The following POLG variants were observed in gnomAD, a reference collection of about 807,000 sequenced individuals.
POLG encodes DNA polymerase gamma, catalytic subunit, also known as DNA polymerase subunit gamma-1.
Under a neutral mutation model 155.4 loss-of-function variants are expected in POLG, and 110 were observed. The ratio of observed to expected loss-of-function variants is 0.71; its 90% CI spans 0.61 to 0.83. The LOEUF (loss-of-function observed/expected upper bound fraction) is 0.83, where lower values mean the gene tolerates loss of function less well. Among genes scored for constraint, POLG ranks in the 40% least tolerant of loss-of-function variants. The probability of loss-of-function intolerance (pLI) is 0.00; values close to 1 mark genes in which losing one functional copy is unlikely to be tolerated. For missense variants in POLG, 1,685 were observed against 1,627.5 expected (o/e 1.04, Z -0.61); for synonymous variants, 701 against 631.5 (o/e 1.11, Z -1.65).
intron 13 of POLG, 124 bp downstream of exon 13, chr15:89,323,280 C>T (rs1026828901): frequency 7.0e-6 from 5 of 716,902 alleles, no homozygotes; most frequent in East Asian, 2.7e-5. Context: ...TGAAATCACA[C>T]TCTGTCCCAC....
At chr15:89,317,003 T>C in intron 22 of POLG, 176 bp from the exon 23 acceptor site, 1 of 631,544 alleles carries the variant, frequency 1.6e-6, no homozygotes, top group Non-Finnish European at 2.8e-6. Context: ...TATAAGTGTG[T>C]CTTAGATATA....
In POLG at chr15:89,318,699, G is replaced by A. The variant is rs1164797481; in HGVS notation, c.3324C>T (p.Tyr1108=). 10 of 1,614,128 alleles carry A rather than the reference G, an allele frequency of 6.2e-6. No homozygotes were observed. Among genetic ancestry groups the A allele is most frequent in the South Asian group, 3.3e-5 (3 of 91,092 alleles). The change falls in exon 21 of 23, where the codon TAC becomes TAT. Residue 1108 remains tyrosine, a synonymous_variant. Transcript: ENST00000268124. The part of the protein sequence containing the change: ...NWVVQSSAVD[Y]LHLMLVAMKW... The stretch of plus-strand genomic sequence containing the variant: ...TCATGGCCACAAGCATGAGGTGTAA[G>A]TAGTCAACAGCAGAGCTCTGTACCA...
rs1215855782 is a variant in POLG at position 89,328,453 on chromosome 15, C to T, written c.1250+3G>A. The stretch of plus-strand genomic sequence containing the variant: ...AGAGATTCCCACATGGGCTCCCCCT[C>T]ACCTCTCCAAGAAGAGCGGTAGCTG... On this transcript the variant is annotated splice_donor_region_variant and intron_variant, in intron 6 of 22. Transcript: ENST00000268124. 3 of 1,611,654 alleles carry T rather than the reference C, an allele frequency of 1.9e-6. No homozygotes were observed. The East Asian group carries it at 6.7e-5, about 36-fold the overall frequency.
chr15:89,326,090 C>T (rs769584222), intron 9 of POLG, among the ~76,000 whole-genome samples: 1 of 152,168 alleles, frequency 6.6e-6, no homozygotes, highest in Non-Finnish European at 1.5e-5. Flanking sequence ...GAGTTGAGCC[C>T]AGGGTGAGAC....
Position 89,333,612 on chromosome 15 carries a change from T to TGCTGCTGCTGCTGCTGCCGCC in POLG, c.122_142dup (p.Arg41_Gln47dup). The TGCTGCTGCTGCTGCTGCCGCC allele has an allele frequency of 6.2e-7, 1 of 1,600,120 alleles. No homozygotes were observed. The highest frequency in any genetic ancestry group is 8.5e-7 in the Non-Finnish European group (1 of 1,175,496). On this transcript the variant is annotated inframe_insertion, in exon 2 of 23. Coordinates refer to ENST00000268124, the MANE Select transcript of POLG (RefSeq NM_002693.3). ...AGGCTGCTGTTGCTGCTGCTGCTGCTGCTGCTGCTGCTGCTGCCGCCGCCG... is the reference window on the plus strand; with the variant it reads ...AGGCTGCTGTTGCTGCTGCTGCTGCTGCTGCTGCTGCTGCTGCCGCCGCTGCTGCTGCTGCTGCCGCCGCCG...
intron 6 of POLG, 43 bp from the exon 7 acceptor site, chr15:89,327,392 G>T: frequency 6.3e-7 from 1 of 1,579,878 alleles, no homozygotes. Flanking sequence ...GACCACAGGA[G>T]GCAAGACTGG....
chr15:89,317,522 T>C lies in POLG; in HGVS notation c.3497A>G (p.Tyr1166Cys), dbSNP rs754900596. The stretch of plus-strand genomic sequence containing the variant: ...GGGCAAGTCATTCAGACCCAGCTTG[T>C]AGGCAAACATGCACCTGAAAGAGAC... ...TNLLTRCMFA[Y>C]KLGLNDLPQS... The change falls in exon 22 of 23, where the codon TAC becomes TGC. Residue 1166 changes from tyrosine (Y) to cysteine (C), a missense_variant. This residue lies in a region of POLG where 470 missense variants were observed against 439.9 expected (regional missense o/e 1.07). Transcript: ENST00000268124. The C allele has an allele frequency of 1.9e-6, 3 of 1,613,942 alleles. No homozygotes were observed. Among genetic ancestry groups the C allele is most frequent in the Non-Finnish European group, 2.5e-6 (3 of 1,179,904 alleles).
At chr15:89,321,034 G>A (rs375539056) in intron 17 of POLG, 22 bp from the exon 18 acceptor site, 19 of 1,614,008 alleles carry the variant, frequency 1.2e-5, no homozygotes, top group South Asian at 2.2e-5. Flanking sequence ...GCAGGAGTGA[G>A]AAAAGCAGCT....
rs2055455675 is a variant in POLG, at chr15:89,325,047, AGTGAGTGAGAGAGTG to A, written c.1949+388_1949+402del. Among the ~76,000 whole-genome samples the A allele has an allele frequency of 7.3e-5, 9 of 122,458 alleles. 1 individual carries two copies. Among genetic ancestry groups the A allele is most frequent in the African/African-American group, 4.7e-4 (9 of 19,188 alleles). 80.3% of individuals were successfully genotyped at this position (122,458 alleles called of 152,430 possible). On this transcript the variant is annotated intron_variant, in intron 10 of 22. Coordinates refer to ENST00000268124, the MANE Select transcript of POLG (RefSeq NM_002693.3). ...AAAACCTGAACCCAGAGAGTGAGTG[AGTGAGTGAGAGAGTG>A]AGTGAGTGAGTGAGTGAGTGAGAGA...
At position 89,325,679 on chromosome 15, in the gene POLG, G is replaced by A. The variant is rs774474723; in HGVS notation, c.1720C>T (p.Arg574Trp). Reference sequence around the variant, plus strand: ...TCGTCTAGCCGGGGGCAGAGCTTCCGGTACCATCTACGTCCCAGCAGGAAG... The same window carrying A: ...TCGTCTAGCCGGGGGCAGAGCTTCCAGTACCATCTACGTCCCAGCAGGAAG... Reference protein sequence around the residue: ...QHLPGHPGWYRKLCPRLDDPA... With the variant: ...QHLPGHPGWYWKLCPRLDDPA... Residue 574 changes from arginine (R) to tryptophan (W), a missense_variant, in exon 10 of 23, where the codon CGG becomes TGG. By Grantham distance (101) the Arg-to-Trp change is moderately radical. This residue lies in a region of POLG where 1,210 missense variants were observed against 1,167.1 expected (regional missense o/e 1.04). Coordinates refer to ENST00000268124, the MANE Select transcript of POLG (RefSeq NM_002693.3). The A allele has an allele frequency of 8.1e-6, 13 of 1,605,794 alleles. No homozygotes were observed. Among genetic ancestry groups the A allele is most frequent in the African/African-American group, 1.3e-5 (1 of 74,876 alleles).
chr15:89,318,347 C>CTT (rs3176229), intron 21 of POLG, among the ~76,000 whole-genome samples, 194 bp downstream of exon 21: 2 of 152,046 alleles, frequency 1.3e-5, no homozygotes, highest in African/African-American at 4.8e-5. Flanking sequence ...CCCAATAACT[C>CTT]TTTTTTTACG....
At chr15:89,334,233 C>T in intron 1 of POLG, 1 of 214,088 alleles carries the variant, frequency 4.7e-6, no homozygotes, top group Non-Finnish European at 9.4e-6. Flanking sequence ...CTCCTTAGGC[C>T]CTGATATCCT....
intron 10 of POLG, among the ~76,000 whole-genome samples, chr15:89,324,630 T>A (rs1163997916): frequency 6.6e-6 from 1 of 152,194 alleles, no homozygotes; most frequent in Non-Finnish European, 1.5e-5. Flanking sequence ...CATAAGAGAC[T>A]CAGGCTGCCC....
intron 2 of POLG, among the ~76,000 whole-genome samples, chr15:89,331,079 A>C (rs904611374): frequency 6.6e-6 from 1 of 152,246 alleles, no homozygotes; most frequent in Non-Finnish European, 1.5e-5. Context: ...TCAGCATCAA[A>C]GTGAGTGACG....
rs749440761 is a variant in POLG at position 89,318,970 on chromosome 15, G to A, written c.3234C>T (p.Cys1078=). The A allele has an allele frequency of 6.2e-7, 1 of 1,614,132 alleles. No homozygotes were observed. Among genetic ancestry groups the A allele is most frequent in the Non-Finnish European group, 8.5e-7 (1 of 1,180,016 alleles). ...DIPRTPVLGC[C]ISRALEPSAV... is the part of the protein sequence containing the mutation. ...CCGAGGGCTCCAGGGCTCGGCTGAT[G>A]CAGCAGCCCAGCACCGGGGTACGTG... The change falls in exon 20 of 23, where the codon TGC becomes TGT. Residue 1078 remains cysteine, a synonymous_variant. Coordinates refer to ENST00000268124, the MANE Select transcript of POLG (RefSeq NM_002693.3).
At chr15:89,318,835 T>A in intron 20 of POLG, 86 bp from the exon 21 acceptor site, 2 of 1,568,510 alleles carry the variant, frequency 1.3e-6, no homozygotes, top group South Asian at 2.2e-5. Flanking sequence ...GAAGCTTCAC[T>A]CTGGCCCTAC....
At chr15:89,329,900 C>T (rs933984409) in intron 3 of POLG, among the ~76,000 whole-genome samples, 181 bp downstream of exon 3, 1 of 152,160 alleles carries the variant, frequency 6.6e-6, no homozygotes. Flanking sequence ...CAGGCTTTCC[C>T]GGGGACATAC....
At chr15:89,325,765 C>T in intron 9 of POLG, 79 bp from the exon 10 acceptor site, 2 of 1,105,870 alleles carry the variant, frequency 1.8e-6, no homozygotes, top group South Asian at 2.5e-5. Flanking sequence ...CTCACAATGT[C>T]CCCACCCACC....
chr15:89,316,910 T>C, intron 22 of POLG, 83 bp from the exon 23 acceptor site: 1 of 989,048 alleles, frequency 1.0e-6, no homozygotes, highest in South Asian at 1.3e-5. Flanking sequence ...AGCTTAATGC[T>C]AAGGTCAAAA....
Sources: gnomAD v4.1 joint callset for allele counts (sites outside exome capture counted in the v4.1 genomes callset) on GRCh38, gnomAD v4.1.1 for gene constraint, gnomAD v4.1.1 regional missense constraint, MANE v1.5 for transcripts, NCBI Gene and HGNC (gene_info 2026-07-23, HGNC 2026-07-21) for gene names.